PKHD1: variants seen among roughly 807,000 people sequenced by gnomAD.
PKHD1 encodes fibrocystin.
PKHD1 carries 291 observed loss-of-function variants against 412.0 expected under a neutral mutation model. That is an observed-to-expected ratio of 0.71 (90% CI 0.64 to 0.78). The LOEUF is 0.78. Ranked by LOEUF, PKHD1 falls within the 30% of genes least tolerant of loss-of-function variation. PKHD1 has a pLI of 0.00. For synonymous variants in PKHD1, 1,777 were observed against 1,821.5 expected (o/e 0.98, Z 0.62); for missense variants, 4,825 against 4,950.7 (o/e 0.97, Z 0.76).
chr6:51,727,591 C>T (rs1346415640), intron 60 of PKHD1, among the ~76,000 whole-genome samples: 4 of 152,176 alleles, frequency 2.6e-5, no homozygotes, highest in African/African-American at 9.7e-5. Flanking sequence ...GTGGTCTGCC[C>T]ACATATGCAG....
intron 60 of PKHD1, among the ~76,000 whole-genome samples, chr6:51,670,379 T>A: frequency 6.6e-6 from 1 of 151,972 alleles, no homozygotes; most frequent in Non-Finnish European, 1.5e-5. Flanking sequence ...CCCCTGCCTT[T>A]TTTTGTTTTC....
chr6:51,748,380 G>C lies in PKHD1; in HGVS notation c.9236C>G (p.Ala3079Gly). The change falls in exon 58 of 67, where the codon GCG (alanine) becomes GGG (glycine). Residue 3079 changes from alanine (A) to glycine (G), a missense_variant. Transcript: ENST00000371117. ...TQPAWSTIWV[A>G]GIKVNQVKDI... ...CTTTACCTGGTTCACTTTGATTCCC[G>C]CCACCCAAATGGTGGACCACGCTGG... 1 of 1,613,940 alleles carries C rather than the reference G, an allele frequency of 6.2e-7. No homozygotes were observed. The highest frequency in any genetic ancestry group is 8.5e-7 in the Non-Finnish European group (1 of 1,179,918).
chr6:51,852,256 G>A (rs1772408959), intron 49 of PKHD1, among the ~76,000 whole-genome samples: 1 of 152,124 alleles, frequency 6.6e-6, no homozygotes, highest in Admixed American at 6.5e-5. Context: ...TTGTACTGTG[G>A]TCTGAGAGAC....
At chr6:51,628,369 T>C (rs934842506) in intron 65 of PKHD1, among the ~76,000 whole-genome samples, 2 of 152,184 alleles carry the variant, frequency 1.3e-5, no homozygotes, top group Non-Finnish European at 2.9e-5. Context: ...TAGTTTAGTG[T>C]CCTCCAGCCA....
intron 52 of PKHD1, among the ~76,000 whole-genome samples, chr6:51,798,330 A>C (rs1794909377): frequency 1.3e-5 from 2 of 151,920 alleles, no homozygotes; most frequent in Non-Finnish European, 2.9e-5. Flanking sequence ...GTGAACCGAG[A>C]TCACACCACT....
chr6:51,973,978 C>G (rs764257849), intron 35 of PKHD1, among the ~76,000 whole-genome samples: 1 of 152,168 alleles, frequency 6.6e-6, no homozygotes, highest in Non-Finnish European at 1.5e-5. Context: ...AGGGGTAGGT[C>G]AGGACAAACA....
rs569478140 is a variant in PKHD1 at position 51,617,768 on chromosome 6, C to A, written c.*1313G>T. 1 of 152,330 alleles carries A rather than the reference C, an allele frequency of 6.6e-6. No homozygotes were observed. The highest frequency in any genetic ancestry group is 2.4e-5 in the African/African-American group (1 of 41,568). 9.4% of individuals were successfully genotyped at this position (152,330 alleles called of 1,614,324 possible). A position where few individuals can be genotyped will look rare whatever the true frequency, so the allele number is the denominator to read the frequency against. On this transcript the variant is annotated 3_prime_UTR_variant, in exon 67 of 67. Coordinates refer to ENST00000371117, the MANE Select transcript of PKHD1 (RefSeq NM_138694.4). ...ATAACAGCTGTCTGCCAGTACTTCTCATAGAACTAATTCAGGGCATCATTA... is the reference window on the plus strand; with the variant it reads ...ATAACAGCTGTCTGCCAGTACTTCTAATAGAACTAATTCAGGGCATCATTA...
chr6:52,051,634 G>A (rs1232479209), intron 21 of PKHD1, among the ~76,000 whole-genome samples: 2 of 152,188 alleles, frequency 1.3e-5, no homozygotes, highest in Admixed American at 1.3e-4. Flanking sequence ...GGTGAGGGCA[G>A]TAAGAAAAAG....
chr6:51,750,567 G>A (rs753176211), intron 57 of PKHD1, among the ~76,000 whole-genome samples: 1 of 151,966 alleles, frequency 6.6e-6, no homozygotes, highest in African/African-American at 2.4e-5. Flanking sequence ...CCCCGGGTGC[G>A]CCACCTTAGT....
At chr6:51,890,291 G>A (rs1360810441) in intron 43 of PKHD1, among the ~76,000 whole-genome samples, 5 of 152,034 alleles carry the variant, frequency 3.3e-5, no homozygotes, top group African/African-American at 1.2e-4. Flanking sequence ...AATGAAGGTA[G>A]GACCCAAAGG....
chr6:51,749,734 T>G (rs998193100), intron 57 of PKHD1, among the ~76,000 whole-genome samples: 23 of 152,152 alleles, frequency 1.5e-4, no homozygotes, highest in African/African-American at 5.3e-4. Context: ...GGCATATGGA[T>G]GAGAAGCCGC....
In PKHD1 at chr6:51,728,603, A is replaced by G. The variant is rs141668376; in HGVS notation, c.10156+15782T>C. Among the ~76,000 whole-genome samples, 16 of 152,332 alleles carry G rather than the reference A, an allele frequency of 1.1e-4. No homozygotes were observed. In the East Asian group the frequency reaches 2.7e-3, roughly 26 times the overall value. ...CTGAATCTGGCCAAGAACCTGAGTG[A>G]GACTGAAGGTGAAATCATCTCCAGA... On this transcript the variant is annotated intron_variant, in intron 60 of 66. Transcript: ENST00000371117.
Position 52,058,512 on chromosome 6 carries a change from A to C in PKHD1, c.1323T>G (p.Thr441=). The C allele has an allele frequency of 6.2e-7, 1 of 1,614,178 alleles. No individual in the cohort carries two copies. Among genetic ancestry groups the C allele is most frequent in the Non-Finnish European group, 8.5e-7 (1 of 1,180,018 alleles). ...CTCCACCCAACAGCTCCAACTTGGG[A>C]GTCTTCTGCTGCCAGGTCCCTTCAT... ...NRDEGTWQQK[T]PKLELLGGAM... Residue 441 remains threonine, a synonymous_variant, in exon 16 of 67, where the codon ACT becomes ACG. Transcript: ENST00000371117.
chr6:52,024,505 T>C, intron 32 of PKHD1, 69 bp downstream of exon 32: 5 of 1,440,822 alleles, frequency 3.5e-6, no homozygotes, highest in Non-Finnish European at 4.9e-6. Context: ...TTTTCTACTT[T>C]CCAGAAGTGA....
chr6:51,655,539 G>A (rs949851810), intron 61 of PKHD1, among the ~76,000 whole-genome samples: 1 of 152,030 alleles, frequency 6.6e-6, no homozygotes, highest in East Asian at 1.9e-4. Flanking sequence ...CTGTTTTCAT[G>A]GCCCAAAATT....
chr6:52,014,842 G>T lies in PKHD1; in HGVS notation c.5600+2568C>A, dbSNP rs1211839768. ...GATGGATGGACGGACGAATAGACAG[G>T]GTATAATTTTTGCCACAGATGCACT... On this transcript the variant is annotated intron_variant, in intron 34 of 66. Transcript: ENST00000371117. Among the ~76,000 whole-genome samples the T allele has an allele frequency of 1.3e-5, 2 of 150,640 alleles. 1 individual carries two copies. Among genetic ancestry groups the T allele is most frequent in the East Asian group, 3.9e-4 (2 of 5,114 alleles).
intron 47 of PKHD1, among the ~76,000 whole-genome samples, chr6:51,869,107 C>T (rs193157657): frequency 1.2e-3 from 188 of 152,238 alleles, no homozygotes; most frequent in Middle Eastern, 6.8e-3. Context: ...TTGATTCATA[C>T]ATGAAAGGCT....
At chr6:51,897,759 C>T (rs1181839512) in intron 43 of PKHD1, among the ~76,000 whole-genome samples, 2 of 143,444 alleles carry the variant, frequency 1.4e-5, no homozygotes. Context: ...GTGCTGTATT[C>T]AGGAAACCCA....
intron 43 of PKHD1, among the ~76,000 whole-genome samples, chr6:51,891,752 C>A (rs1466921669): frequency 6.6e-6 from 1 of 151,128 alleles, no homozygotes; most frequent in African/African-American, 2.4e-5. Flanking sequence ...CACACACATT[C>A]AGCCAAGCAA....
Sources: allele counts gnomAD v4.1 joint callset (sites outside exome capture counted in the v4.1 genomes callset), GRCh38; gene constraint gnomAD v4.1.1; transcripts MANE v1.5; gene names NCBI Gene and HGNC (gene_info 2026-07-23, HGNC 2026-07-21).